Variants in DEAF1 observed in about 807,000 individuals in gnomAD.
DEAF1 encodes deformed epidermal autoregulatory factor 1 homolog.
Under a neutral mutation model 58.9 loss-of-function variants are expected in DEAF1, and 53 were observed. The ratio of observed to expected loss-of-function variants is 0.90; its 90% confidence interval spans 0.72 to 1.13. The LOEUF (loss-of-function observed/expected upper bound fraction) is 1.13, where lower values mean the gene tolerates loss of function less well. DEAF1 is among the 50% of genes most tolerant of loss of function. The probability of loss-of-function intolerance (pLI) is 0.00; values close to 1 mark genes in which losing one functional copy is unlikely to be tolerated. For missense variants in DEAF1, 685 were observed against 791.4 expected (o/e 0.87, Z 1.61); for synonymous variants, 385 against 340.4 (o/e 1.13, Z -1.44).
chr11:645,383 C>G (rs1858441217), intron 11 of DEAF1, among the ~76,000 whole-genome samples: 1 of 127,628 alleles, frequency 7.8e-6, no homozygotes, highest in Middle Eastern at 4.1e-3. Flanking sequence ...AACGCGCAAT[C>G]TCGGCTCACC....
At chr11:704,690 G>A in intron 1 of DEAF1, 1 of 1,272,062 alleles carries the variant, frequency 7.9e-7, no homozygotes. Flanking sequence ...CAAAGGCAGT[G>A]GTCACCTGTT....
intron 10 of DEAF1, among the ~76,000 whole-genome samples, chr11:673,568 GA>G (rs1470350812): frequency 2.0e-5 from 3 of 152,070 alleles, no homozygotes; most frequent in Admixed American, 6.6e-5. Context: ...AGAAATGGGG[GA>G]AAACGTTTCT....
chr11:700,703 C>T (rs1861413253), intron 1 of DEAF1: 1 of 1,613,682 alleles, frequency 6.2e-7, no homozygotes, highest in African/African-American at 1.3e-5. Flanking sequence ...TTCGGTTATA[C>T]CTGGGTGAGT....
chr11:685,022 CAAT>C, intron 5 of DEAF1, 59 bp from the exon 6 acceptor site: 1 of 1,294,044 alleles, frequency 7.7e-7, no homozygotes, highest in Non-Finnish European at 1.1e-6. Context: ...GTCAATCATT[CAAT>C]AATAGAAGAT....
intron 2 of DEAF1, among the ~76,000 whole-genome samples, chr11:690,988 A>G (rs1860808023): frequency 6.6e-6 from 1 of 152,230 alleles, no homozygotes; most frequent in South Asian, 2.1e-4. Flanking sequence ...AGCTGATAAA[A>G]CATGATCACA....
chr11:677,153 A>T (rs1860120134), intron 9 of DEAF1, among the ~76,000 whole-genome samples: 1 of 150,140 alleles, frequency 6.7e-6, no homozygotes, highest in South Asian at 2.1e-4. Context: ...GTTAATAGAG[A>T]TGGGGTCTCC....
rs1368066825 is a variant in DEAF1 at position 667,434 on chromosome 11, AG to A, written c.1503+7101del. ...AAGGAGGGAAGGAGGAAAAGAGGAA[AG>A]GAAGGAAGGAAGGAAGGAAGGCAGG... On this transcript the variant is annotated intron_variant, in intron 10 of 11. Coordinates refer to ENST00000382409, the MANE Select transcript of DEAF1 (RefSeq NM_021008.4). 3.4e-4 allele frequency among the ~76,000 whole-genome samples: 32 copies of A among 95,402 alleles called. 1 individual carries two copies. Among genetic ancestry groups the A allele is most frequent in the African/African-American group, 7.2e-4 (8 of 11,086 alleles). 62.6% of individuals were successfully genotyped at this position (95,402 alleles called of 152,430 possible).
chr11:669,104 C>A (rs1371487080), intron 10 of DEAF1, among the ~76,000 whole-genome samples: 3 of 147,710 alleles, frequency 2.0e-5, no homozygotes, highest in African/African-American at 7.5e-5. Flanking sequence ...GGATTACAGG[C>A]GTAAGCCACT....
chr11:648,404 C>T (rs1423982677), intron 11 of DEAF1, among the ~76,000 whole-genome samples: 1 of 152,014 alleles, frequency 6.6e-6, no homozygotes, highest in Non-Finnish European at 1.5e-5. Flanking sequence ...ACCATGTTAG[C>T]CAGGATGGTC....
At chr11:651,286 C>A (rs780871865) in intron 11 of DEAF1, 9 of 218,072 alleles carry the variant, frequency 4.1e-5, no homozygotes, top group African/African-American at 7.2e-5. Context: ...AATATAAAAA[C>A]TTCTGTTGGC....
At position 654,644 on chromosome 11, in the gene DEAF1, G is replaced by A. The variant is rs1345573857; in HGVS notation, c.1504-593C>T. The A allele has an allele frequency of 2.0e-5, 9 of 455,046 alleles. 1 individual carries two copies. The East Asian group carries it at 4.9e-4, about 25-fold the overall frequency. 28.2% of individuals were successfully genotyped at this position (455,046 alleles called of 1,614,324 possible). Reference sequence around the variant, plus strand: ...AATCCCAGGACTTTGGGCAGCCGAGGCGGGTGGATCACCTGAGGTCAGGAG... The same window carrying A: ...AATCCCAGGACTTTGGGCAGCCGAGACGGGTGGATCACCTGAGGTCAGGAG... On this transcript the variant is annotated intron_variant, in intron 10 of 11. Coordinates refer to ENST00000382409, the MANE Select transcript of DEAF1 (RefSeq NM_021008.4).
chr11:674,533 T>C lies in DEAF1; in HGVS notation c.1503+3A>G, dbSNP rs1859969280. ...CGTGTCTTCCCATTTGTTCCAAGGT[T>C]ACCTCCTTCCGCTCTGCGTCAGCGT... On this transcript the variant is annotated splice_donor_region_variant and intron_variant, in intron 10 of 11. Coordinates refer to ENST00000382409, the MANE Select transcript of DEAF1 (RefSeq NM_021008.4). 6.2e-7 allele frequency: 1 copy of C among 1,613,968 alleles called. No individual in the cohort carries two copies. Among genetic ancestry groups the C allele is most frequent in the Non-Finnish European group, 8.5e-7 (1 of 1,180,012 alleles).
intron 2 of DEAF1, 87 bp downstream of exon 2, chr11:691,414 G>C: frequency 7.9e-7 from 1 of 1,258,966 alleles, no homozygotes; most frequent in South Asian, 1.2e-5. Flanking sequence ...TCACACAGCG[G>C]GCTGAACCCC....
chr11:665,021 G>A (rs113561014), intron 10 of DEAF1, among the ~76,000 whole-genome samples: 11 of 3,282 alleles, frequency 3.4e-3, no homozygotes, highest in African/African-American at 0.013. Flanking sequence ...CGGTCACTCT[G>A]AGTCCTGGCT....
At chr11:646,480 T>TG (rs1205539316) in intron 11 of DEAF1, 1 of 152,130 alleles carries the variant, frequency 6.6e-6, no homozygotes, top group Non-Finnish European at 1.5e-5. Flanking sequence ...TGAGAGGATG[T>TG]GGGCGGCGGA....
chr11:679,541 C>T, intron 8 of DEAF1, 147 bp downstream of exon 8: 1 of 1,267,376 alleles, frequency 7.9e-7, no homozygotes, highest in Non-Finnish European at 1.1e-6. Context: ...TGACGTGGCT[C>T]ACACGCTGTC....
intron 5 of DEAF1, among the ~76,000 whole-genome samples, chr11:686,304 A>C (rs1860591889): frequency 6.6e-6 from 1 of 150,884 alleles, no homozygotes; most frequent in African/African-American, 2.4e-5. Flanking sequence ...AAAAAAAAAA[A>C]AAAAACCACA....
upstream of DEAF1, chr11:695,502 C>T: frequency 2.2e-6 from 2 of 902,194 alleles, no homozygotes; most frequent in Middle Eastern, 2.5e-4. Context: ...CGCAATTCTG[C>T]CTCTCAGAGA....
intron 11 of DEAF1, among the ~76,000 whole-genome samples, chr11:649,813 G>T (rs905605163): frequency 6.6e-6 from 1 of 152,096 alleles, no homozygotes; most frequent in South Asian, 2.1e-4. Context: ...ATCACCTGAG[G>T]TCAGGAGTTC....
Sources: allele counts gnomAD v4.1 joint callset (sites outside exome capture counted in the v4.1 genomes callset), GRCh38; gene constraint gnomAD v4.1.1; transcripts MANE v1.5; gene names NCBI Gene and HGNC (gene_info 2026-07-23, HGNC 2026-07-21).